CDIN1: variants seen among roughly 807,000 people sequenced by gnomAD.
CDIN1 encodes the protein CDAN1 interacting nuclease 1.
Under a neutral mutation model 45.3 loss-of-function variants are expected in CDIN1, and 33 were observed. The observed-to-expected ratio is 0.73, with a 90% confidence interval of 0.55 to 0.97. CDIN1 has a LOEUF of 0.97. Among genes scored for constraint, CDIN1 ranks in the 50% least tolerant of loss-of-function variants. The pLI is 0.00. For synonymous variants in CDIN1, 118 were observed against 124.4 expected, an observed-to-expected ratio of 0.95 and a Z score of 0.34; for missense variants, 303 against 339.4, an observed-to-expected ratio of 0.89 and a Z score of 0.84.
chr15:36,754,413 A>G (rs1049423626), intron 10 of CDIN1, among the ~76,000 whole-genome samples: 1 of 152,144 alleles, frequency 6.6e-6, no homozygotes, highest in South Asian at 2.1e-4. Flanking sequence ...GAGAACAAAC[A>G]GGATTGCTTA....
intron 1 of CDIN1, among the ~76,000 whole-genome samples, chr15:36,614,805 T>C (rs1299840963): frequency 2.0e-5 from 3 of 152,244 alleles, no homozygotes; most frequent in South Asian, 2.1e-4. Flanking sequence ...TTTTCAGCTT[T>C]AATATATCTT....
chr15:36,808,291 A>T (rs748242695), intron 10 of CDIN1, 33 bp from the exon 11 acceptor site: 9 of 1,610,860 alleles, frequency 5.6e-6, no homozygotes, highest in Non-Finnish European at 7.6e-6. Context: ...TGTTGATACC[A>T]TGTGTGTGTG....
intron 5 of CDIN1, among the ~76,000 whole-genome samples, chr15:36,665,582 T>G (rs780243073): frequency 2.0e-5 from 3 of 152,120 alleles, no homozygotes; most frequent in Admixed American, 6.6e-5. Flanking sequence ...GAAAGAGTAG[T>G]TAAGGAAGGT....
At chr15:36,804,053 G>C (rs925429186) in intron 10 of CDIN1, among the ~76,000 whole-genome samples, 1 of 151,922 alleles carries the variant, frequency 6.6e-6, no homozygotes, top group Non-Finnish European at 1.5e-5. Context: ...TTTTAGCTGT[G>C]AGACCTTAGG....
At chr15:36,643,708 C>G (rs529055668) in intron 1 of CDIN1, among the ~76,000 whole-genome samples, 1 of 152,270 alleles carries the variant, frequency 6.6e-6, no homozygotes, top group East Asian at 1.9e-4. Context: ...AGGAATGATT[C>G]ACTCCAAGGA....
intron 10 of CDIN1, among the ~76,000 whole-genome samples, chr15:36,773,184 CTG>C (rs1282759733): frequency 6.6e-6 from 1 of 152,158 alleles, no homozygotes; most frequent in East Asian, 1.9e-4. Context: ...TGACTGAAAA[CTG>C]AGATTTCTCT....
chr15:36,752,754 A>C (rs1037302958), intron 10 of CDIN1, among the ~76,000 whole-genome samples: 1 of 152,216 alleles, frequency 6.6e-6, no homozygotes, highest in African/African-American at 2.4e-5. Flanking sequence ...TTCATCTTCC[A>C]AACTTGAGAT....
intron 10 of CDIN1, among the ~76,000 whole-genome samples, chr15:36,797,678 C>A (rs994192209): frequency 7.1e-6 from 1 of 141,566 alleles, no homozygotes; most frequent in Non-Finnish European, 1.5e-5. Context: ...ATTTTCTTAC[C>A]TTTAAAAATG....
At position 36,697,268 on chromosome 15, in the gene CDIN1, G is replaced by A. The variant is rs2381887; in HGVS notation, c.477-55G>A. The A allele has an allele frequency of 0.74, 1,110,759 of 1,509,258 alleles. 412,298 individuals carry two copies. The highest frequency in any genetic ancestry group is 0.96 in the East Asian group (42,135 of 44,074). 93.5% of individuals were successfully genotyped at this position (1,509,258 alleles called of 1,614,324 possible). A position where few individuals can be genotyped will look rare whatever the true frequency, so the allele number is the denominator to read the frequency against. ...CTCAAAGTATAGACCTGGTATTAGC[G>A]TTTTCCTGCTGGTATAATTCTGCCT... On this transcript the variant is annotated intron_variant, in intron 7 of 10. Transcript: ENST00000566621.
At chr15:36,616,132 G>C (rs939867357) in intron 1 of CDIN1, among the ~76,000 whole-genome samples, 5 of 152,166 alleles carry the variant, frequency 3.3e-5, no homozygotes, top group African/African-American at 1.2e-4. Context: ...CCAGGCTGAA[G>C]GCACATCATA....
chr15:36,756,465 T>G (rs2053612500), intron 10 of CDIN1, among the ~76,000 whole-genome samples: 1 of 152,230 alleles, frequency 6.6e-6, no homozygotes. Context: ...AACAATCTGC[T>G]CTTTCCCTCT....
At chr15:36,590,256 A>C (rs910322732) in intron 1 of CDIN1, among the ~76,000 whole-genome samples, 13 of 152,130 alleles carry the variant, frequency 8.5e-5, no homozygotes, top group African/African-American at 2.7e-4. Flanking sequence ...GGGCTCTGCA[A>C]TTTTTCATCC....
At chr15:36,743,216 C>T (rs1003339040) in intron 10 of CDIN1, among the ~76,000 whole-genome samples, 4 of 152,088 alleles carry the variant, frequency 2.6e-5, no homozygotes, top group Non-Finnish European at 4.4e-5. Flanking sequence ...AGGGGAGTAG[C>T]ATGATCATAT....
chr15:36,668,850 C>T (rs1299404054), intron 5 of CDIN1: 1 of 152,050 alleles, frequency 6.6e-6, no homozygotes, highest in Non-Finnish European at 1.5e-5. Flanking sequence ...ACAACATTTA[C>T]CTTTCAAAGT....
Position 36,709,199 on chromosome 15 carries a change from A to T in CDIN1, c.545-24A>T, listed in dbSNP as rs74008755. 6,623 of 1,576,684 alleles carry T rather than the reference A, an allele frequency of 4.2e-3. 217 individuals are homozygous for T. In the African/African-American group the frequency reaches 0.078, roughly 19 times the overall value. On this transcript the variant is annotated intron_variant, in intron 8 of 10. Coordinates refer to ENST00000566621, the MANE Select transcript of CDIN1 (RefSeq NM_001321759.2). ...TTGTTAATTGAATAGTGTTTTAAGT[A>T]AATAGTGTTTGTTCTTCCTGTAGAT...
intron 10 of CDIN1, among the ~76,000 whole-genome samples, chr15:36,796,851 T>G (rs1022013900): frequency 1.3e-5 from 2 of 152,254 alleles, no homozygotes; most frequent in African/African-American, 4.8e-5. Flanking sequence ...CTTTACAGAC[T>G]TAAAATTTCT....
At chr15:36,617,224 A>G (rs1297256762) in intron 1 of CDIN1, 1 of 871,594 alleles carries the variant, frequency 1.1e-6, no homozygotes, top group African/African-American at 1.6e-5. Flanking sequence ...TTGGCATGAA[A>G]CAGCAGCCAC....
In CDIN1 at chr15:36,709,266, C is replaced by T; in HGVS notation, c.588C>T (p.Asp196=). ...LRAKGYDKTP[D]FILQVPVAVE... is the part of the protein sequence containing the mutation. ...CAAAGGGTTATGACAAAACACCAGACTTCATTTTACAAGTACCAGTTGGTA... is the reference window on the plus strand; with the variant it reads ...CAAAGGGTTATGACAAAACACCAGATTTCATTTTACAAGTACCAGTTGGTA... The change falls in exon 9 of 11, where the codon GAC becomes GAT. Residue 196 remains aspartate (D), a synonymous_variant. Coordinates refer to ENST00000566621, the MANE Select transcript of CDIN1 (RefSeq NM_001321759.2). 1 of 1,601,778 alleles carries T rather than the reference C, an allele frequency of 6.2e-7. No individual in the cohort carries two copies. Among genetic ancestry groups the T allele is most frequent in the Non-Finnish European group, 8.5e-7 (1 of 1,173,586 alleles).
In CDIN1 at chr15:36,794,472, G is replaced by A. The variant is rs78986364; in HGVS notation, c.717-13852G>A. Among the ~76,000 whole-genome samples the A allele has an allele frequency of 6.0e-3, 919 of 152,122 alleles. 13 individuals are homozygous for A. Among genetic ancestry groups the A allele is most frequent in the African/African-American group, 0.021 (877 of 41,524 alleles). ...TAATTTCTTCTTTCTCCTACCCTTG[G>A]CAGCTACCTTTCTACTTCCTCTTTT... On this transcript the variant is annotated intron_variant, in intron 10 of 10. Transcript: ENST00000566621.
Sources: gnomAD v4.1 joint callset for allele counts (sites outside exome capture counted in the v4.1 genomes callset) on GRCh38, gnomAD v4.1.1 for gene constraint, MANE v1.5 for transcripts, NCBI Gene and HGNC (gene_info 2026-07-23, HGNC 2026-07-21) for gene names.